GPR15LG: variants seen among roughly 807,000 people sequenced by gnomAD.
The protein encoded by GPR15LG is protein GPR15LG.
At chr10:84,184,025 A>T in the GPR15LG span, among the ~76,000 whole-genome samples, 7 of 152,122 alleles carry the variant, frequency 4.6e-5, no homozygotes, top group African/African-American at 1.2e-4. Flanking sequence ...CTGCAATTAA[A>T]AACAAAACTA....
the GPR15LG span, chr10:84,176,530 T>C: frequency 6.2e-7 from 1 of 1,614,004 alleles, no homozygotes; most frequent in Admixed American, 1.7e-5. Context: ...CAGGCTCTGC[T>C]GCCACCGAGT....
chr10:84,181,925 G>A, the GPR15LG span, among the ~76,000 whole-genome samples: 3 of 152,182 alleles, frequency 2.0e-5, no homozygotes, highest in Admixed American at 6.5e-5. Flanking sequence ...CTGGGGCCAC[G>A]GTGAAGCTAT....
chr10:84,178,445 CAT>C, the GPR15LG span, among the ~76,000 whole-genome samples: 2 of 151,776 alleles, frequency 1.3e-5, no homozygotes, highest in African/African-American at 4.8e-5. Context: ...CACAAACACA[CAT>C]AAATACATAC....
chr10:84,178,559 ACAAG>A, the GPR15LG span, among the ~76,000 whole-genome samples: 1 of 151,842 alleles, frequency 6.6e-6, no homozygotes, highest in Admixed American at 6.6e-5. Context: ...CTACACATGG[ACAAG>A]CAATTACACA....
chr10:84,181,150 G>GCCT, the GPR15LG span, among the ~76,000 whole-genome samples: 79 of 139,430 alleles, frequency 5.7e-4, 8 homozygotes, highest in African/African-American at 2.2e-3. Flanking sequence ...AGAGGGAGAG[G>GCCT]GCTGGGCTCA....
chr10:84,184,378 C>A, the GPR15LG span, among the ~76,000 whole-genome samples: 20 of 152,216 alleles, frequency 1.3e-4, no homozygotes, highest in African/African-American at 4.6e-4. Context: ...AAACAGGCCT[C>A]CCAGACCTAA....
At chr10:84,181,304 A>G in the GPR15LG span, among the ~76,000 whole-genome samples, 95 of 149,524 alleles carry the variant, frequency 6.4e-4, 1 homozygote, top group Non-Finnish European at 2.8e-4. Context: ...GTCTCTATCT[A>G]TTGACCTCGT....
the GPR15LG span, among the ~76,000 whole-genome samples, chr10:84,180,789 T>TG: frequency 6.6e-6 from 1 of 152,218 alleles, no homozygotes; most frequent in Non-Finnish European, 1.5e-5. Flanking sequence ...CACTCCAGCC[T>TG]GGGCAACATT....
the GPR15LG span, chr10:84,184,632 C>T: frequency 1.7e-5 from 27 of 1,591,612 alleles, no homozygotes; most frequent in East Asian, 4.5e-5. Flanking sequence ...GCTCTGACCT[C>T]GCCATCTTCC....
the GPR15LG span, chr10:84,176,503 T>C: frequency 6.2e-7 from 1 of 1,613,776 alleles, no homozygotes; most frequent in Non-Finnish European, 8.5e-7. Context: ...TGCCAAGGCC[T>C]GGTCAGGCAG....
chr10:84,178,273 CACAA>C, the GPR15LG span, among the ~76,000 whole-genome samples: 54 of 151,796 alleles, frequency 3.6e-4, no homozygotes, highest in African/African-American at 1.3e-3. Flanking sequence ...TACACAACTA[CACAA>C]ACAGACACAC....
chr10:84,173,984 C>T, the GPR15LG span: 1 of 1,322,520 alleles, frequency 7.6e-7, no homozygotes, highest in South Asian at 1.2e-5. Context: ...AGACTCTGAT[C>T]AGGATTTGTT....
At chr10:84,182,648 G>T in the GPR15LG span, among the ~76,000 whole-genome samples, 1 of 152,334 alleles carries the variant, frequency 6.6e-6, no homozygotes, top group Non-Finnish European at 1.5e-5. Context: ...TTGAGGTACA[G>T]GCTCTGAGCT....
the GPR15LG span, among the ~76,000 whole-genome samples, chr10:84,181,708 C>T: frequency 0.35 from 53,861 of 152,122 alleles, 9,924 homozygotes; most frequent in African/African-American, 0.42. Flanking sequence ...GGATTACAGG[C>T]GTGAGCCACT....
chr10:84,177,676 C>G, the GPR15LG span, among the ~76,000 whole-genome samples: 1 of 152,172 alleles, frequency 6.6e-6, no homozygotes, highest in Non-Finnish European at 1.5e-5. Flanking sequence ...TCACACCCAG[C>G]CGGCCAGGAT....
the GPR15LG span, among the ~76,000 whole-genome samples, chr10:84,176,779 G>A: frequency 6.6e-6 from 1 of 152,188 alleles, no homozygotes; most frequent in Non-Finnish European, 1.5e-5. Flanking sequence ...TGGAAAAAAA[G>A]CAGGATGCAA....
At chr10:84,179,641 C>T in the GPR15LG span, among the ~76,000 whole-genome samples, 47 of 152,268 alleles carry the variant, frequency 3.1e-4, 1 homozygote, top group Admixed American at 2.9e-3. Flanking sequence ...AGAGGGTGTT[C>T]CTGAGCCAAC....
the GPR15LG span, among the ~76,000 whole-genome samples, chr10:84,183,694 T>A: frequency 6.6e-6 from 1 of 152,006 alleles, no homozygotes; most frequent in African/African-American, 2.4e-5. Flanking sequence ...TCACCCAGGC[T>A]GGAGTGCGGT....
chr10:84,180,641 G>A, the GPR15LG span, among the ~76,000 whole-genome samples: 27 of 152,244 alleles, frequency 1.8e-4, no homozygotes, highest in African/African-American at 3.4e-4. Context: ...CATCCCAGAC[G>A]ATGGGTGGCC....
Sources: gnomAD v4.1 joint callset for allele counts (sites outside exome capture counted in the v4.1 genomes callset) on GRCh38, gnomAD v4.1.1 for gene constraint, MANE v1.5 for transcripts, NCBI Gene and HGNC (gene_info 2026-07-23, HGNC 2026-07-21) for gene names.